The following CARD14 variants were observed in gnomAD, a reference collection of about 807,000 sequenced individuals.
CARD14 encodes the protein caspase recruitment domain-containing protein 14.
In CARD14, 107 loss-of-function variants were observed where a neutral mutation model predicts 111.5. The observed-to-expected ratio is 0.96, with a 90% CI of 0.82 to 1.13. The LOEUF is 1.13. CARD14 is among the 50% of genes most tolerant of loss of function. The pLI is 0.00. For synonymous variants in CARD14, 617 were observed against 579.6 expected (o/e 1.06, Z -0.93); for missense variants, 1,322 against 1,362.3 (o/e 0.97, Z 0.47).
At position 80,198,468 on chromosome 17, in the gene CARD14, G is replaced by A. The variant is rs375480599; in HGVS notation, c.1728G>A (p.Gly576=). The A allele has an allele frequency of 1.8e-4, 285 of 1,612,866 alleles. 1 individual carries two copies. Among genetic ancestry groups the A allele is most frequent in the Non-Finnish European group, 2.3e-4 (272 of 1,179,500 alleles). Residue 576 remains glycine (G), a synonymous_variant, in exon 16 of 24, where the codon GGG becomes GGA. Coordinates refer to ENST00000648509, the MANE Select transcript of CARD14 (RefSeq NM_001366385.1). The surrounding 1 kb of genome is among the most constrained non-coding windows in gnomAD (Gnocchi z 7.5). ...AGGTCACCATGCTGGCGTTCCAGGG[G>A]GATGCATTGCTGGAGCAGATCAGCG... The part of the protein sequence containing the change: ...LSQVTMLAFQ[G]DALLEQISVI...
intron 12 of CARD14, among the ~76,000 whole-genome samples, chr17:80,193,684 C>G (rs985371608): frequency 1.3e-5 from 2 of 152,184 alleles, no homozygotes; most frequent in Admixed American, 1.3e-4. Context: ...GGCCCAAGAG[C>G]AGCAGGCCCA....
chr17:80,200,339 C>T (rs867241506), intron 16 of CARD14, among the ~76,000 whole-genome samples: 14 of 146,290 alleles, frequency 9.6e-5, no homozygotes, highest in African/African-American at 3.0e-4. Flanking sequence ...TGGGTTCAAG[C>T]GATTCTCTTG....
intron 11 of CARD14, among the ~76,000 whole-genome samples, chr17:80,191,681 C>T (rs887102547): frequency 2.0e-5 from 3 of 152,236 alleles, no homozygotes; most frequent in Admixed American, 6.5e-5. Context: ...CGTGAAACCT[C>T]GAAGGTGCCC....
chr17:80,206,945 C>T, intron 22 of CARD14, 25 bp from the exon 23 acceptor site: 1 of 1,562,720 alleles, frequency 6.4e-7, no homozygotes, highest in Middle Eastern at 1.7e-4. Flanking sequence ...GATCTTGACT[C>T]ACTTCTTCTC....
At chr17:80,196,563 G>A (rs1679594651) in intron 14 of CARD14, 1 of 152,220 alleles carries the variant, frequency 6.6e-6, no homozygotes, top group African/African-American at 2.4e-5. Flanking sequence ...ATCCCAATGG[G>A]TTTTTGCCTG....
At chr17:80,197,584 C>G (rs1486700717) in intron 14 of CARD14, 1 of 163,338 alleles carries the variant, frequency 6.1e-6, no homozygotes, top group African/African-American at 2.4e-5. Context: ...CAGTGCAGTG[C>G]AGGCCCACGC....
intron 17 of CARD14, 72 bp from the exon 18 acceptor site, chr17:80,202,108 T>C: frequency 7.1e-7 from 1 of 1,409,840 alleles, no homozygotes; most frequent in South Asian, 1.2e-5. Context: ...TCTCCTACTT[T>C]AATTTTCTGC....
intron 16 of CARD14, chr17:80,199,039 C>A (rs568471656): frequency 7.2e-4 from 343 of 477,146 alleles, no homozygotes; most frequent in Non-Finnish European, 8.9e-4. Context: ...GCCTCGACCT[C>A]CCCAGGCTCG....
At chr17:80,170,103 G>C (rs897602396) in intron 1 of CARD14, 47 bp downstream of exon 1, 24 of 152,328 alleles carry the variant, frequency 1.6e-4, no homozygotes, top group African/African-American at 5.8e-4. Flanking sequence ...AGCCTACGGA[G>C]GGCTCAGCCT....
intron 14 of CARD14, chr17:80,196,630 TCA>T (rs978462961): frequency 3.3e-5 from 5 of 152,212 alleles, no homozygotes; most frequent in Non-Finnish European, 7.3e-5. Flanking sequence ...GCTGTGTGGT[TCA>T]CAGAGTGAGA....
intron 20 of CARD14, 176 bp downstream of exon 20, chr17:80,204,517 G>C (rs977505413): frequency 1.8e-6 from 1 of 556,382 alleles, no homozygotes; most frequent in East Asian, 3.2e-5. Flanking sequence ...CCAGATACTC[G>C]GGAGGCTGAG....
Position 80,203,879 on chromosome 17 carries a change from C to T in CARD14, c.2277C>T (p.Thr759=). Residue 759 remains threonine (T), a synonymous_variant, in exon 19 of 24, where the codon ACC becomes ACT. Transcript: ENST00000648509. This position sits in a 1 kb window ranked among gnomAD's most constrained non-coding sequence, Gnocchi z 4.6. The stretch of plus-strand genomic sequence containing the variant: ...ACATGACTCAGCAGTGCACCGTGAC[C>T]CGCAAGGTGAGGCTCCAGGGAGGGG... ...IQDMTQQCTV[T]RKPSSGGPQK... is the part of the protein sequence containing the mutation. 2 of 1,595,694 alleles carry T rather than the reference C, an allele frequency of 1.3e-6. No individual in the cohort carries two copies. The highest frequency in any genetic ancestry group is 1.7e-6 in the Non-Finnish European group (2 of 1,172,064).
intron 2 of CARD14, among the ~76,000 whole-genome samples, chr17:80,177,648 T>C (rs557050223): frequency 2.6e-5 from 4 of 152,324 alleles, no homozygotes; most frequent in African/African-American, 9.6e-5. Context: ...TGAGCCAAGA[T>C]TGTGCCATTG....
intron 2 of CARD14, among the ~76,000 whole-genome samples, chr17:80,173,541 AT>A (rs2039957530): frequency 6.6e-6 from 1 of 151,374 alleles, no homozygotes. Context: ...TATTATTTTT[AT>A]TTTTTATGTA....
intron 14 of CARD14, chr17:80,197,592 C>T (rs932825409): frequency 4.8e-5 from 8 of 166,752 alleles, no homozygotes; most frequent in Admixed American, 5.6e-5. Context: ...TGCAGGCCCA[C>T]GCAGACATGG....
intron 11 of CARD14, 152 bp downstream of exon 11, chr17:80,191,624 G>A (rs1315592973): frequency 2.1e-6 from 2 of 940,206 alleles, no homozygotes; most frequent in Non-Finnish European, 1.6e-6. Context: ...AGACGGCCCA[G>A]TGTCACTGTG....
At chr17:80,171,142 C>T (rs193234067) in intron 1 of CARD14, among the ~76,000 whole-genome samples, 298 of 142,106 alleles carry the variant, frequency 2.1e-3, no homozygotes, top group African/African-American at 7.3e-3. Context: ...CTCCTGGCGC[C>T]TTCCCATTCA....
chr17:80,189,153 A>G lies in CARD14; in HGVS notation c.844-600A>G, dbSNP rs897289039. On this transcript the variant is annotated intron_variant, in intron 8 of 23. Transcript: ENST00000648509. This position sits in a 1 kb window ranked among gnomAD's most constrained non-coding sequence, Gnocchi z 4.7. ...GAGTGGACTTGGCCAATTGTAAAGC[A>G]TGGGATTCGCGTTAAGGATGGGGGA... 6.6e-6 allele frequency among the ~76,000 whole-genome samples: 1 copy of G among 152,188 alleles called. No homozygotes were observed. The highest frequency in any genetic ancestry group is 1.5e-5 in the Non-Finnish European group (1 of 68,044).
intron 9 of CARD14, 102 bp from the exon 10 acceptor site, chr17:80,190,672 G>A: frequency 2.3e-6 from 3 of 1,287,180 alleles, no homozygotes; most frequent in Non-Finnish European, 3.2e-6. Context: ...TTCATCCCTA[G>A]AACTGTCTCC....
Sources: gnomAD v4.1 joint callset for allele counts (sites outside exome capture counted in the v4.1 genomes callset) on GRCh38, gnomAD v4.1.1 for gene constraint, Gnocchi (gnomAD v3.1) non-coding constraint, MANE v1.5 for transcripts, NCBI Gene and HGNC (gene_info 2026-07-23, HGNC 2026-07-21) for gene names.